The following ANKRD55 variants were observed in gnomAD, a reference collection of about 807,000 sequenced individuals.
ANKRD55 encodes ankyrin repeat domain-containing protein 55.
A neutral mutation model predicts 60.6 loss-of-function variants in ANKRD55; 41 were observed. The ratio of observed to expected loss-of-function variants is 0.68; its 90% CI spans 0.53 to 0.88. ANKRD55 has a LOEUF of 0.88. Ranked by LOEUF, ANKRD55 falls within the 40% of genes least tolerant of loss-of-function variation. The pLI, the probability that ANKRD55 is intolerant of heterozygous loss-of-function variation, is 0.00. For synonymous variants in ANKRD55, 264 were observed against 290.3 expected (o/e 0.91, Z 0.92); for missense variants, 732 against 767.6 (o/e 0.95, Z 0.55).
At chr5:56,149,234 G>A (rs1048175273) in intron 6 of ANKRD55, among the ~76,000 whole-genome samples, 10 of 152,076 alleles carry the variant, frequency 6.6e-5, no homozygotes, top group Non-Finnish European at 1.0e-4. Flanking sequence ...TGAGCATCAC[G>A]ATAGCCAAAG....
At position 56,116,649 on chromosome 5, in the gene ANKRD55, T is replaced by C. The variant is rs186718700; in HGVS notation, c.931A>G (p.Thr311Ala). ...TGGGAGAGGAGTTTGACACACGCCG[T>C]GTGACCGCAGTACAGGGCATAGGCC... is the stretch of plus-strand genomic sequence containing the variant. Reference protein sequence around the residue: ...PLAYALYCGHTACVKLLSQES... With the variant: ...PLAYALYCGHAACVKLLSQES... The change falls in exon 9 of 12, where the codon ACG (threonine) becomes GCG (alanine). Residue 311 changes from threonine (T) to alanine (A), a missense_variant. Coordinates refer to ENST00000341048, the MANE Select transcript of ANKRD55 (RefSeq NM_024669.3). The C allele has an allele frequency of 2.6e-4, 421 of 1,606,290 alleles. No homozygotes were observed. The highest frequency in any genetic ancestry group is 4.3e-4 in the Admixed American group (25 of 58,640).
intron 6 of ANKRD55, 89 bp from the exon 7 acceptor site, chr5:56,144,018 C>T (rs1757837774): frequency 2.6e-6 from 4 of 1,552,382 alleles, no homozygotes; most frequent in Non-Finnish European, 3.5e-6. Flanking sequence ...GGCCTGGGGG[C>T]CATCACCAGA....
At chr5:56,229,562 C>A (rs1010857593) in intron 2 of ANKRD55, among the ~76,000 whole-genome samples, 2 of 152,170 alleles carry the variant, frequency 1.3e-5, no homozygotes, top group African/African-American at 4.8e-5. Flanking sequence ...TGTGCAAGTT[C>A]ATGTAACTAG....
intron 2 of ANKRD55, among the ~76,000 whole-genome samples, chr5:56,185,518 A>G (rs1758948389): frequency 6.6e-6 from 1 of 151,596 alleles, no homozygotes; most frequent in African/African-American, 2.4e-5. Context: ...AATACAAAAA[A>G]TTAGCTGGGC....
At chr5:56,143,164 A>G (rs2111758824) in intron 7 of ANKRD55, among the ~76,000 whole-genome samples, 1 of 152,344 alleles carries the variant, frequency 6.6e-6, no homozygotes, top group East Asian at 1.9e-4. Flanking sequence ...AGTTTATGCA[A>G]AGGATGCTCT....
chr5:56,189,530 A>G (rs1183937075), intron 2 of ANKRD55, among the ~76,000 whole-genome samples: 1 of 152,118 alleles, frequency 6.6e-6, no homozygotes, highest in Non-Finnish European at 1.5e-5. Context: ...CTTTCTGTCT[A>G]TGAATTTGAC....
intron 2 of ANKRD55, among the ~76,000 whole-genome samples, chr5:56,207,740 G>T (rs1446677112): frequency 1.3e-5 from 2 of 152,194 alleles, no homozygotes. Flanking sequence ...TGCAGGACGG[G>T]ATGTTGCTCT....
intron 2 of ANKRD55, among the ~76,000 whole-genome samples, chr5:56,226,027 A>G (rs1251406514): frequency 2.6e-4 from 39 of 152,236 alleles, no homozygotes; most frequent in Admixed American, 2.6e-3. Flanking sequence ...TTGCCAAGAC[A>G]ATCCTAAGCA....
chr5:56,202,871 G>C (rs568786523), intron 2 of ANKRD55, among the ~76,000 whole-genome samples: 3 of 152,170 alleles, frequency 2.0e-5, no homozygotes, highest in Non-Finnish European at 2.9e-5. Flanking sequence ...GCATGAAGAG[G>C]ACCTGGGGAA....
chr5:56,205,572 G>T (rs1314147633), intron 2 of ANKRD55, among the ~76,000 whole-genome samples: 1 of 152,128 alleles, frequency 6.6e-6, no homozygotes, highest in African/African-American at 2.4e-5. Context: ...TGAGTAGAAG[G>T]TTGATCTCTA....
chr5:56,192,129 C>G (rs200840682), intron 2 of ANKRD55, among the ~76,000 whole-genome samples: 1 of 146,858 alleles, frequency 6.8e-6, no homozygotes, highest in Non-Finnish European at 1.5e-5. Flanking sequence ...CTCTCTCTCT[C>G]TCTCTTTCTC....
chr5:56,161,506 G>T (rs1323907996), intron 5 of ANKRD55, among the ~76,000 whole-genome samples: 2 of 152,216 alleles, frequency 1.3e-5, no homozygotes, highest in African/African-American at 4.8e-5. Flanking sequence ...AGAAAAGAAA[G>T]ATCCACTAAT....
Position 56,163,594 on chromosome 5 carries a change from A to C in ANKRD55, c.423-3701T>G, listed in dbSNP as rs370799859. ...CCAGACAGGTGGTGTGTTGAGTCAT[A>C]AGAGCACTGATGCTGGGGCCAGACT... On this transcript the variant is annotated intron_variant, in intron 5 of 11. Coordinates refer to ENST00000341048, the MANE Select transcript of ANKRD55 (RefSeq NM_024669.3). 6.3e-4 allele frequency among the ~76,000 whole-genome samples: 96 copies of C among 152,286 alleles called. No individual in the cohort carries two copies. In the Middle Eastern group the frequency reaches 0.014, roughly 22 times the overall value.
At chr5:56,193,609 G>A in intron 2 of ANKRD55, 2 of 313,910 alleles carry the variant, frequency 6.4e-6, no homozygotes, top group Non-Finnish European at 6.2e-6. Flanking sequence ...CAAAAATGAA[G>A]GCACAAAAGT....
At chr5:56,142,539 C>A (rs534294353) in intron 7 of ANKRD55, among the ~76,000 whole-genome samples, 14 of 152,248 alleles carry the variant, frequency 9.2e-5, no homozygotes, top group African/African-American at 3.4e-4. Flanking sequence ...GGAGGTTTTT[C>A]AAAATGCACA....
chr5:56,135,110 A>C (rs1426008293), intron 7 of ANKRD55, among the ~76,000 whole-genome samples: 1 of 152,166 alleles, frequency 6.6e-6, no homozygotes, highest in African/African-American at 2.4e-5. Context: ...AAACTTGGTA[A>C]AGAGCATCTA....
At position 56,176,272 on chromosome 5, in the gene ANKRD55, G is replaced by T. The variant is rs1758737776; in HGVS notation, c.192C>A (p.Pro64=). The change falls in exon 4 of 12, where the codon CCC becomes CCA. Residue 64 remains proline (P), a synonymous_variant. Coordinates refer to ENST00000341048, the MANE Select transcript of ANKRD55 (RefSeq NM_024669.3). ...GACGTCCAGAAACCGCATGCATCAA[G>T]GGCGTGCATCCTGGAATGAGACATT... ...LECCDSEGCT[P]LMHAVSGRQA... is the part of the protein sequence containing the mutation. 1 of 1,614,146 alleles carries T rather than the reference G, an allele frequency of 6.2e-7. No individual in the cohort carries two copies. Among genetic ancestry groups the T allele is most frequent in the East Asian group, 2.2e-5 (1 of 44,872 alleles).
At chr5:56,174,420 T>C (rs953726855) in intron 4 of ANKRD55, among the ~76,000 whole-genome samples, 11 of 152,202 alleles carry the variant, frequency 7.2e-5, no homozygotes, top group African/African-American at 2.7e-4. Flanking sequence ...GTTTTCTCTT[T>C]TCTTCAGCTC....
At chr5:56,115,156 T>C (rs535187801) in intron 9 of ANKRD55, among the ~76,000 whole-genome samples, 2 of 151,768 alleles carry the variant, frequency 1.3e-5, no homozygotes, top group East Asian at 1.9e-4. Flanking sequence ...GCCATGATTA[T>C]GCCACTGCAC....
Sources: allele counts gnomAD v4.1 joint callset (sites outside exome capture counted in the v4.1 genomes callset), GRCh38; gene constraint gnomAD v4.1.1; transcripts MANE v1.5; gene names NCBI Gene and HGNC (gene_info 2026-07-23, HGNC 2026-07-21).